Variants in ECT2L observed in about 807,000 individuals in gnomAD.
ECT2L encodes the protein epithelial cell transforming 2 like, also known as epithelial cell-transforming sequence 2 oncogene-like.
Under a neutral mutation model 122.8 loss-of-function variants are expected in ECT2L, and 126 were observed. The ratio of observed to expected loss-of-function variants is 1.03; its 90% confidence interval spans 0.89 to 1.19. ECT2L has a LOEUF of 1.19. Among genes scored for constraint, ECT2L ranks in the 50% most tolerant of loss-of-function variants. ECT2L has a pLI of 0.00. For synonymous variants in ECT2L, 385 were observed against 381.8 expected, an observed-to-expected ratio of 1.01 and a Z score of -0.10; for missense variants, 1,012 against 1,064.1, an observed-to-expected ratio of 0.95 and a Z score of 0.68.
At chr6:138,823,083 A>G (rs1776322690) in intron 4 of ECT2L, 1 of 1,581,980 alleles carries the variant, frequency 6.3e-7, no homozygotes, top group South Asian at 1.1e-5. Context: ...AATAATGTGC[A>G]AAATAACTTC....
intron 1 of ECT2L, among the ~76,000 whole-genome samples, chr6:138,796,656 G>A (rs953042760): frequency 6.6e-6 from 1 of 152,186 alleles, no homozygotes; most frequent in African/African-American, 2.4e-5. Context: ...GTGAATATAG[G>A]TCTTGGTTAT....
chr6:138,844,321 T>C (rs77322966), intron 6 of ECT2L, 91 bp from the exon 7 acceptor site: 26,967 of 1,448,648 alleles, frequency 0.019, 327 homozygotes, highest in Non-Finnish European at 0.022. Flanking sequence ...CTTGCCCTGG[T>C]ACAGCTTTAT....
intron 10 of ECT2L, among the ~76,000 whole-genome samples, chr6:138,855,730 C>T (rs1289602519): frequency 6.6e-6 from 1 of 152,090 alleles, no homozygotes; most frequent in African/African-American, 2.4e-5. Flanking sequence ...AGGATGTATA[C>T]CAAGGTATTC....
chr6:138,834,995 G>A (rs1370674297), intron 4 of ECT2L, among the ~76,000 whole-genome samples: 2 of 150,220 alleles, frequency 1.3e-5, no homozygotes, highest in Admixed American at 6.7e-5. Context: ...TTCATTTTAC[G>A]CCACTCTGTT....
chr6:138,829,809 G>A (rs938914896), intron 4 of ECT2L, among the ~76,000 whole-genome samples: 1 of 151,588 alleles, frequency 6.6e-6, no homozygotes, highest in South Asian at 2.1e-4. Context: ...TGCAACCTCC[G>A]CCTCCCGGGT....
chr6:138,849,049 T>C (rs1777332028), intron 8 of ECT2L, among the ~76,000 whole-genome samples: 1 of 152,214 alleles, frequency 6.6e-6, no homozygotes, highest in South Asian at 2.1e-4. Flanking sequence ...GTTAATAGTA[T>C]TTATCTCTGA....
chr6:138,807,240 C>G (rs1775743382), intron 1 of ECT2L, among the ~76,000 whole-genome samples: 1 of 151,966 alleles, frequency 6.6e-6, no homozygotes, highest in Admixed American at 6.6e-5. Context: ...TCCCAAAGTG[C>G]TAGGATTACA....
In ECT2L at chr6:138,864,995, G is replaced by A; in HGVS notation, c.1292-1G>A. ...ATAATAACAGAAGAAAATCATGTCA[G>A]TTCTTAGTGATTGGCTGGGATCCCA... On this transcript the variant is annotated splice_acceptor_variant, in intron 11 of 21. Coordinates refer to ENST00000541398, the MANE Select transcript of ECT2L (RefSeq NM_001077706.3). LOFTEE classifies it high-confidence loss of function. The A allele has an allele frequency of 6.2e-7, 1 of 1,611,830 alleles. No homozygotes were observed. The highest frequency in any genetic ancestry group is 8.5e-7 in the Non-Finnish European group (1 of 1,179,212).
At chr6:138,896,846 C>T (rs1292375646) in intron 20 of ECT2L, among the ~76,000 whole-genome samples, 1 of 152,060 alleles carries the variant, frequency 6.6e-6, no homozygotes, top group African/African-American at 2.4e-5. Context: ...CGGGGTTTCG[C>T]CATGTTGGCC....
At position 138,901,139 on chromosome 6, in the gene ECT2L, C is replaced by T. The variant is rs199794238; in HGVS notation, c.2587+19C>T. On this transcript the variant is annotated intron_variant, in intron 21 of 21. Transcript: ENST00000541398. ...TCCAAGTGTATGTATTCTTTTCCTT[C>T]CAAGAGACAGATACCTTCAAAAAGC... The T allele has an allele frequency of 2.2e-4, 360 of 1,610,156 alleles. No homozygotes were observed. Among genetic ancestry groups the T allele is most frequent in the Non-Finnish European group, 2.8e-4 (328 of 1,177,560 alleles).
intron 4 of ECT2L, among the ~76,000 whole-genome samples, chr6:138,822,264 G>A (rs1776291627): frequency 6.6e-6 from 1 of 152,220 alleles, no homozygotes; most frequent in Non-Finnish European, 1.5e-5. Flanking sequence ...ATTACATGGG[G>A]AAGGAGGCCG....
intron 18 of ECT2L, 60 bp downstream of exon 18, chr6:138,885,890 C>T (rs1562492689): frequency 1.3e-6 from 2 of 1,518,760 alleles, no homozygotes; most frequent in African/African-American, 1.4e-5. Context: ...TGTGGTACTC[C>T]CACTCAAAGA....
chr6:138,890,317 TTTG>T lies in ECT2L; in HGVS notation c.2414+1289_2414+1291del, dbSNP rs542472823. Among the ~76,000 whole-genome samples the T allele has an allele frequency of 3.3e-5, 5 of 152,234 alleles. No homozygotes were observed. The South Asian group carries it at 8.3e-4, about 25-fold the overall frequency. On this transcript the variant is annotated intron_variant, in intron 20 of 21. Coordinates refer to ENST00000541398, the MANE Select transcript of ECT2L (RefSeq NM_001077706.3). ...CTCCAATAAATGTAATAAAAATTGA[TTTG>T]TTATTTCAATGAATATTTCAACAAA...
At chr6:138,878,374 C>A (rs1190337359) in intron 14 of ECT2L, among the ~76,000 whole-genome samples, 2 of 151,548 alleles carry the variant, frequency 1.3e-5, no homozygotes, top group Admixed American at 1.3e-4. Context: ...ACAATGAGAG[C>A]AAGATAACAG....
rs992481230 is a variant in ECT2L, at chr6:138,885,429, G to C, written c.2029-77G>C. The C allele has an allele frequency of 6.9e-6, 10 of 1,441,852 alleles. No homozygotes were observed. In the African/African-American group the frequency reaches 1.3e-4, roughly 18 times the overall value. 89.3% of individuals were successfully genotyped at this position (1,441,852 alleles called of 1,614,324 possible). ...GCCCTTTTGCTTCAGGCATTCCATA[G>C]ATCATGCTTGCTCAGTGGAACAGTG... is the stretch of plus-strand genomic sequence containing the variant. On this transcript the variant is annotated intron_variant, in intron 16 of 21. Transcript: ENST00000541398.
chr6:138,847,432 G>T (rs181507810), intron 8 of ECT2L, among the ~76,000 whole-genome samples: 1 of 115,472 alleles, frequency 8.7e-6, no homozygotes, highest in Non-Finnish European at 1.6e-5. Flanking sequence ...GTGCAGTGGC[G>T]CAATCTCGGC....
chr6:138,810,126 A>G (rs933954921), intron 1 of ECT2L, among the ~76,000 whole-genome samples: 2 of 152,232 alleles, frequency 1.3e-5, no homozygotes, highest in Non-Finnish European at 2.9e-5. Context: ...GTACTAGAAG[A>G]AATAGAGGAG....
chr6:138,834,409 C>T (rs1451405646), intron 4 of ECT2L, among the ~76,000 whole-genome samples: 1 of 152,076 alleles, frequency 6.6e-6, no homozygotes, highest in African/African-American at 2.4e-5. Context: ...GTCCTTGTAG[C>T]AGCATAGAAT....
intron 17 of ECT2L, 35 bp from the exon 18 acceptor site, chr6:138,885,639 A>C (rs1389553977): frequency 1.9e-6 from 3 of 1,613,916 alleles, no homozygotes; most frequent in Non-Finnish European, 2.5e-6. Context: ...CTGGGCCTTC[A>C]GAGACCAGAG....
Sources: allele counts gnomAD v4.1 joint callset (sites outside exome capture counted in the v4.1 genomes callset), GRCh38; gene constraint gnomAD v4.1.1; transcripts MANE v1.5; gene names NCBI Gene and HGNC (gene_info 2026-07-23, HGNC 2026-07-21).